FAM169A: variants seen among roughly 807,000 people sequenced by gnomAD.
FAM169A encodes the protein family with sequence similarity 169 member A, also known as soluble lamin-associated protein of 75 kDa.
Under a neutral mutation model 75.7 loss-of-function variants are expected in FAM169A, and 24 were observed. The observed-to-expected ratio is 0.32, with a 90% CI of 0.23 to 0.45. The LOEUF (loss-of-function observed/expected upper bound fraction) is 0.45, where lower values mean the gene tolerates loss of function less well. Among genes scored for constraint, FAM169A ranks in the 20% least tolerant of loss-of-function variants. The pLI is 1.00. For synonymous variants in FAM169A, 271 were observed against 271.0 expected, an observed-to-expected ratio of 1.00 and a Z score of 0.00; for missense variants, 673 against 784.0, an observed-to-expected ratio of 0.86 and a Z score of 1.69.
At chr5:74,797,766 C>T (rs1483067112) in intron 10 of FAM169A, among the ~76,000 whole-genome samples, 3 of 152,166 alleles carry the variant, frequency 2.0e-5, no homozygotes, top group Admixed American at 2.0e-4. Flanking sequence ...ATTTCTCAGC[C>T]TTGGTGTAGA....
chr5:74,850,958 C>A (rs552422701), intron 1 of FAM169A, among the ~76,000 whole-genome samples: 8 of 152,044 alleles, frequency 5.3e-5, no homozygotes, highest in Non-Finnish European at 1.0e-4. Context: ...ACTCTGTCAC[C>A]CAGGCTGGAG....
At chr5:74,787,303 T>C (rs1483702719) in intron 11 of FAM169A, among the ~76,000 whole-genome samples, 4 of 152,182 alleles carry the variant, frequency 2.6e-5, no homozygotes, top group Non-Finnish European at 5.9e-5. Flanking sequence ...AAGGTTCTAA[T>C]AGCTTGATTG....
intron 5 of FAM169A, among the ~76,000 whole-genome samples, chr5:74,823,022 G>A (rs1347230526): frequency 6.6e-6 from 1 of 152,082 alleles, no homozygotes; most frequent in Non-Finnish European, 1.5e-5. Context: ...TCATTCACCT[G>A]AACTACTAAA....
chr5:74,859,030 A>T (rs1460821930), intron 1 of FAM169A, among the ~76,000 whole-genome samples: 1 of 152,022 alleles, frequency 6.6e-6, no homozygotes, highest in South Asian at 2.1e-4. Context: ...CCTGGCCAAC[A>T]TGGCAAAACC....
intron 1 of FAM169A, among the ~76,000 whole-genome samples, chr5:74,859,127 T>TGG (rs1749902228): frequency 6.6e-6 from 1 of 150,820 alleles, no homozygotes; most frequent in Admixed American, 6.6e-5. Context: ...GGCAGGAGAA[T>TGG]TGCTTGAACC....
chr5:74,816,219 T>A (rs1324583862), intron 5 of FAM169A, among the ~76,000 whole-genome samples: 1 of 152,206 alleles, frequency 6.6e-6, no homozygotes, highest in Non-Finnish European at 1.5e-5. Context: ...GTAGTCAAGT[T>A]TGAAGTACAA....
chr5:74,784,851 G>A (rs557613161), intron 11 of FAM169A, among the ~76,000 whole-genome samples: 22 of 148,674 alleles, frequency 1.5e-4, no homozygotes, highest in Non-Finnish European at 2.5e-4. Context: ...CCCGGGAGGC[G>A]GAGTTTGCAG....
chr5:74,795,783 T>A (rs918609333), intron 11 of FAM169A, among the ~76,000 whole-genome samples: 6 of 152,196 alleles, frequency 3.9e-5, no homozygotes, highest in Non-Finnish European at 8.8e-5. Flanking sequence ...TTACTAAACA[T>A]CTCTATTTTA....
intron 5 of FAM169A, among the ~76,000 whole-genome samples, chr5:74,832,990 G>A (rs1748392969): frequency 6.6e-6 from 1 of 151,970 alleles, no homozygotes; most frequent in South Asian, 2.1e-4. Context: ...AGAAATAGAG[G>A]CTAGGTGCCA....
chr5:74,864,922 C>T (rs776063530), intron 1 of FAM169A, among the ~76,000 whole-genome samples: 1 of 152,214 alleles, frequency 6.6e-6, no homozygotes, highest in African/African-American at 2.4e-5. Flanking sequence ...CAATAAAAAT[C>T]TTTCCTCTTG....
At chr5:74,818,322 C>T (rs1157081370) in intron 5 of FAM169A, among the ~76,000 whole-genome samples, 1 of 152,116 alleles carries the variant, frequency 6.6e-6, no homozygotes, top group South Asian at 2.1e-4. Flanking sequence ...AAAAAGACAA[C>T]CCAGCCTGAA....
chr5:74,795,596 A>C (rs994445735), intron 11 of FAM169A, among the ~76,000 whole-genome samples: 1 of 152,206 alleles, frequency 6.6e-6, no homozygotes, highest in Non-Finnish European at 1.5e-5. Context: ...ACAGTCATCA[A>C]ATTTTTTTTC....
intron 11 of FAM169A, among the ~76,000 whole-genome samples, chr5:74,784,505 C>A (rs1252445531): frequency 3.1e-5 from 2 of 64,918 alleles, no homozygotes; most frequent in Admixed American, 1.8e-4. Context: ...AGCAAGACTC[C>A]GTCTCAAAAA....
At chr5:74,788,705 C>CAAA (rs111938760) in intron 11 of FAM169A, among the ~76,000 whole-genome samples, 2 of 106,872 alleles carry the variant, frequency 1.9e-5, no homozygotes, top group South Asian at 5.9e-4. Context: ...AACTCCATCT[C>CAAA]AAAAAAAAAA....
intron 1 of FAM169A, among the ~76,000 whole-genome samples, chr5:74,843,182 T>A (rs1460114753): frequency 6.6e-6 from 1 of 151,816 alleles, no homozygotes; most frequent in Non-Finnish European, 1.5e-5. Context: ...CAGTACAAAA[T>A]CTATATAAGG....
intron 11 of FAM169A, among the ~76,000 whole-genome samples, chr5:74,788,433 C>T (rs775400330): frequency 1.3e-5 from 2 of 152,126 alleles, no homozygotes; most frequent in East Asian, 1.9e-4. Flanking sequence ...AGGCCGGGGG[C>T]GGTGGCTCAT....
intron 5 of FAM169A, 68 bp from the exon 6 acceptor site, chr5:74,814,087 G>A: frequency 7.9e-7 from 1 of 1,257,934 alleles, no homozygotes; most frequent in Non-Finnish European, 1.1e-6. Context: ...TTAGTGACAT[G>A]AGTTAACAGT....
At chr5:74,810,463 A>C (rs1580111103) in intron 6 of FAM169A, among the ~76,000 whole-genome samples, 1 of 152,134 alleles carries the variant, frequency 6.6e-6, no homozygotes, top group African/African-American at 2.4e-5. Context: ...TGTACGGTAC[A>C]TGTAGGCTGG....
At chr5:74,845,513 G>A (rs1023879400) in intron 1 of FAM169A, among the ~76,000 whole-genome samples, 3 of 152,086 alleles carry the variant, frequency 2.0e-5, no homozygotes, top group Non-Finnish European at 4.4e-5. Context: ...GCGAGACTCT[G>A]TCTCAAAAAA....
Sources: gnomAD v4.1 joint callset for allele counts (sites outside exome capture counted in the v4.1 genomes callset) on GRCh38, gnomAD v4.1.1 for gene constraint, MANE v1.5 for transcripts, NCBI Gene and HGNC (gene_info 2026-07-23, HGNC 2026-07-21) for gene names.